The following PES1 variants were observed in gnomAD, a reference collection of about 807,000 sequenced individuals.
PES1 encodes the protein pescadillo homolog.
Under a neutral mutation model 77.1 loss-of-function variants are expected in PES1, and 31 were observed. The ratio of observed to expected loss-of-function variants is 0.40; its 90% CI spans 0.30 to 0.54. The LOEUF is 0.54. Ranked by LOEUF, PES1 falls within the 20% of genes least tolerant of loss-of-function variation. The pLI is 0.45. For synonymous variants in PES1, 282 were observed against 303.0 expected (o/e 0.93, Z 0.72); for missense variants, 658 against 771.7 (o/e 0.85, Z 1.75).
rs113420532 is a variant in PES1 at position 30,581,290 on chromosome 22, C to T, written c.822+44G>A. On this transcript the variant is annotated intron_variant, in intron 8 of 14. Transcript: ENST00000354694. ...CCCCAGAGGTGTTGGGGACAGAGAC[C>T]ACTCCCTTGGGAGATGCCGGATGAT... is the stretch of plus-strand genomic sequence containing the variant. 239 of 1,592,956 alleles carry T rather than the reference C, an allele frequency of 1.5e-4. No homozygotes were observed. In the East Asian group the frequency reaches 4.7e-3, roughly 31 times the overall value.
chr22:30,593,772 C>T (rs2146485404), upstream of PES1, among the ~76,000 whole-genome samples: 1 of 146,766 alleles, frequency 6.8e-6, no homozygotes, highest in Non-Finnish European at 1.5e-5. Flanking sequence ...AAATAGCCGT[C>T]ATATAGGTAC....
At chr22:30,600,885 A>T (rs1310259113) in intron 2 of PES1, among the ~76,000 whole-genome samples, 3 of 152,220 alleles carry the variant, frequency 2.0e-5, no homozygotes, top group Admixed American at 1.3e-4. Context: ...CTTTTATGCG[A>T]TAAAAGCTGG....
upstream of PES1, among the ~76,000 whole-genome samples, chr22:30,595,116 C>T (rs940164240): frequency 5.3e-5 from 8 of 152,138 alleles, no homozygotes; most frequent in Admixed American, 2.0e-4. Context: ...GATTTGTTTC[C>T]TCCTGTTGCC....
chr22:30,591,703 C>G, intron 1 of PES1, 107 bp downstream of exon 1: 1 of 1,285,590 alleles, frequency 7.8e-7, no homozygotes, highest in Non-Finnish European at 1.1e-6. Context: ...CACGTCGATC[C>G]CGTCTTTCCA....
upstream of PES1, among the ~76,000 whole-genome samples, chr22:30,592,559 G>C (rs1006707133): frequency 6.6e-6 from 1 of 152,236 alleles, no homozygotes; most frequent in Non-Finnish European, 1.5e-5. Context: ...CACTTTGGGA[G>C]GCCAAGACAG....
rs931044753 is a variant in PES1 at position 30,597,945 on chromosome 22, G to A, written c.-660-5547C>T. Among the ~76,000 whole-genome samples the A allele has an allele frequency of 1.4e-5, 2 of 146,422 alleles. 1 individual carries two copies. The highest frequency in any genetic ancestry group is 1.4e-4 in the Admixed American group (2 of 14,552). ...GTCGCCCAGGCTGGAGTGCAGTGGC[G>A]GCATCTCGGCTCACTGCAAGCTCCG... On this transcript the variant is annotated intron_variant, in intron 2 of 16. Transcript: ENST00000402281.
At position 30,587,367 on chromosome 22, in the gene PES1, T is replaced by C. The variant is rs2087107065; in HGVS notation, c.287A>G (p.Tyr96Cys). Reference sequence around the variant, plus strand: ...TACAGTGTTCCACTCGCTCTTCCCATAAGCCTTCCGGAGCTTCCGGACGAA... The same window carrying C: ...TACAGTGTTCCACTCGCTCTTCCCACAAGCCTTCCGGAGCTTCCGGACGAA... The part of the protein sequence containing the change: ...KVFVRKLRKA[Y>C]GKSEWNTVER... The change falls in exon 4 of 15, where the codon TAT becomes TGT. Residue 96 changes from tyrosine to cysteine, a missense_variant. Transcript: ENST00000354694. The C allele has an allele frequency of 6.2e-7, 1 of 1,614,070 alleles. No homozygotes were observed. The highest frequency in any genetic ancestry group is 8.5e-7 in the Non-Finnish European group (1 of 1,179,966).
intron 1 of PES1, among the ~76,000 whole-genome samples, chr22:30,591,189 G>A (rs2087170856): frequency 6.6e-6 from 1 of 152,090 alleles, no homozygotes; most frequent in Non-Finnish European, 1.5e-5. Flanking sequence ...TAAAATCCAA[G>A]CTTACAGGCC....
At chr22:30,581,170 G>A in intron 8 of PES1, 69 bp from the exon 9 acceptor site, 6 of 1,420,902 alleles carry the variant, frequency 4.2e-6, no homozygotes, top group Non-Finnish European at 5.9e-6. Flanking sequence ...GTGGGGAGGG[G>A]CAGCAGTGAC....
chr22:30,577,087 C>T lies in PES1; in HGVS notation c.1726G>A (p.Val576Met), dbSNP rs1285867630. 1 of 1,614,150 alleles carries T rather than the reference C, an allele frequency of 6.2e-7. No homozygotes were observed. Among genetic ancestry groups the T allele is most frequent in the Admixed American group, 1.7e-5 (1 of 60,034 alleles). The change falls in exon 15 of 15, where the codon GTG becomes ATG. Residue 576 changes from valine (V) to methionine (M), a missense_variant. Coordinates refer to ENST00000354694, the MANE Select transcript of PES1 (RefSeq NM_014303.4). Reference protein sequence around the residue: ...AEKRKAHDEAVRSEKKAKKAR... With the variant: ...AEKRKAHDEAMRSEKKAKKAR... ...TTCTTGGCCTTCTTCTCAGACCTCACCGCCTCATCGTGGGCTTTCCGCTTC... is the reference window on the plus strand; with the variant it reads ...TTCTTGGCCTTCTTCTCAGACCTCATCGCCTCATCGTGGGCTTTCCGCTTC...
rs1445228701 is a variant in PES1 at position 30,579,839 on chromosome 22, G to A, written c.1266C>T (p.His422=). The A allele has an allele frequency of 1.2e-6, 2 of 1,614,014 alleles. No homozygotes were observed. Among genetic ancestry groups the A allele is most frequent in the Middle Eastern group, 1.6e-4 (1 of 6,062 alleles). Residue 422 remains histidine, a synonymous_variant, in exon 12 of 15, where the codon CAC becomes CAT. Coordinates refer to ENST00000354694, the MANE Select transcript of PES1 (RefSeq NM_014303.4). ...EYFSGVQLPP[H]LSPFVTEKEG... is the part of the protein sequence containing the mutation. ...CCTTCTCGGTCACAAAGGGTGAAAG[G>A]TGTGGGGGCAGCTGCACCCCAGAGA...
At chr22:30,585,279 AG>A (rs1287681622) in intron 4 of PES1, 4 of 471,418 alleles carry the variant, frequency 8.5e-6, no homozygotes, top group Admixed American at 7.0e-5. Flanking sequence ...AATTGGGTCC[AG>A]GAAGAGCCAG....
chr22:30,603,967 A>T (rs750075983), intron 2 of PES1: 2 of 152,220 alleles, frequency 1.3e-5, no homozygotes, highest in Non-Finnish European at 2.9e-5. Context: ...AATTGAAGGG[A>T]AGGGTGGAGT....
upstream of PES1, among the ~76,000 whole-genome samples, chr22:30,595,847 G>A (rs2087245634): frequency 6.6e-6 from 1 of 152,172 alleles, no homozygotes; most frequent in African/African-American, 2.4e-5. Flanking sequence ...CTGATTCGTA[G>A]ATTTTGTGAG....
chr22:30,579,413 G>C, intron 12 of PES1, 110 bp from the exon 13 acceptor site: 1 of 1,544,082 alleles, frequency 6.5e-7, no homozygotes, highest in Non-Finnish European at 8.7e-7. Flanking sequence ...TTAGCCATGG[G>C]CAGTTCAGGG....
intron 3 of PES1, among the ~76,000 whole-genome samples, chr22:30,587,779 G>C (rs1314069157): frequency 1.3e-5 from 2 of 152,218 alleles, no homozygotes; most frequent in Non-Finnish European, 2.9e-5. Flanking sequence ...ATATCAGCAT[G>C]AAACAAGCTG....
rs372779600 is a variant in PES1 at position 30,581,071 on chromosome 22, G to A, written c.853C>T (p.Arg285Cys). The A allele has an allele frequency of 6.4e-5, 103 of 1,611,000 alleles. No homozygotes were observed. In the African/African-American group the frequency reaches 8.9e-4, roughly 14 times the overall value. The change falls in exon 9 of 15, where the codon CGC (arginine) becomes TGC (cysteine). Residue 285 changes from arginine to cysteine, a missense_variant. Coordinates refer to ENST00000354694, the MANE Select transcript of PES1 (RefSeq NM_014303.4). The stretch of plus-strand genomic sequence containing the variant: ...TCCTCTGTGGCAGGCACCACCACGC[G>A]GGCCAGGCTGGCACTGAGGGCTGCC... ...KLAALSASLA[R>C]VVVPATEEEA...
rs147244950 is a variant in PES1 at position 30,581,531 on chromosome 22, C to T, written c.744G>A (p.Pro248=). The T allele has an allele frequency of 8.7e-6, 14 of 1,613,054 alleles. No homozygotes were observed. The highest frequency in any genetic ancestry group is 1.7e-5 in the Admixed American group (1 of 60,006). Residue 248 remains proline, a synonymous_variant, in exon 7 of 15, where the codon CCG becomes CCA. Transcript: ENST00000354694. ...LYQLLNLHYP[P]KLEGQAQAEA... is the part of the protein sequence containing the mutation. ...AGGCACTGGGCTGGGGTCCTACCTT[C>T]GGGGGATAGTGGAGGTTGAGCAACT...
chr22:30,600,643 C>G (rs1332187409), intron 2 of PES1, among the ~76,000 whole-genome samples: 1 of 152,092 alleles, frequency 6.6e-6, no homozygotes, highest in African/African-American at 2.4e-5. Flanking sequence ...GGTGAAACCC[C>G]GTCTCTACTA....
Sources: allele counts gnomAD v4.1 joint callset (sites outside exome capture counted in the v4.1 genomes callset), GRCh38; gene constraint gnomAD v4.1.1; transcripts MANE v1.5; gene names NCBI Gene and HGNC (gene_info 2026-07-23, HGNC 2026-07-21).